Variants in DYNC2I1 observed in about 807,000 individuals in gnomAD.
DYNC2I1 encodes the protein dynein 2 intermediate chain 1.
In DYNC2I1, 89 loss-of-function variants were observed where a neutral mutation model predicts 133.4. The observed-to-expected ratio is 0.67, with a 90% CI of 0.56 to 0.80. The LOEUF (loss-of-function observed/expected upper bound fraction) is 0.80, where lower values mean the gene tolerates loss of function less well. Ranked by LOEUF, DYNC2I1 falls within the 30% of genes least tolerant of loss-of-function variation. The pLI is 0.00. For missense variants in DYNC2I1, 1,291 were observed against 1,314.5 expected (o/e 0.98, Z 0.28); for synonymous variants, 504 against 484.3 (o/e 1.04, Z -0.54).
the DYNC2I1 span, among the ~76,000 whole-genome samples, chr7:158,841,189 A>G: frequency 1.2e-4 from 9 of 73,104 alleles, no homozygotes; most frequent in African/African-American, 4.7e-4. Flanking sequence ...ATATATATAT[A>G]TATATATATA....
intron 23 of DYNC2I1, among the ~76,000 whole-genome samples, chr7:158,937,131 G>C (rs932265631): frequency 1.3e-5 from 2 of 152,160 alleles, no homozygotes; most frequent in African/African-American, 4.8e-5. Flanking sequence ...GAAACTCTGT[G>C]ATCTCCAAGA....
At chr7:158,896,878 T>C (rs990785832) in intron 8 of DYNC2I1, among the ~76,000 whole-genome samples, 6 of 152,102 alleles carry the variant, frequency 3.9e-5, no homozygotes, top group Admixed American at 1.3e-4. Context: ...TTTTTTTTTT[T>C]TTCTTGTAAT....
rs572968837 is a variant in DYNC2I1, at chr7:158,932,926, C to G, written c.2547-1203C>G. Among the ~76,000 whole-genome samples the G allele has an allele frequency of 6.6e-5, 10 of 152,296 alleles. No individual in the cohort carries two copies. In the South Asian group the frequency reaches 2.1e-3, roughly 32 times the overall value. On this transcript the variant is annotated intron_variant, in intron 21 of 24. Coordinates refer to ENST00000407559, the MANE Select transcript of DYNC2I1 (RefSeq NM_018051.5). Reference sequence around the variant, plus strand: ...CTGGTTGGTGACTGGGCACCACTTGCCAGGCGAGGATAGGAGCAGGGAGGG... The same window carrying G: ...CTGGTTGGTGACTGGGCACCACTTGGCAGGCGAGGATAGGAGCAGGGAGGG...
At chr7:158,890,915 T>C (rs545158777) in intron 7 of DYNC2I1, among the ~76,000 whole-genome samples, 14 of 152,328 alleles carry the variant, frequency 9.2e-5, no homozygotes, top group African/African-American at 2.6e-4. Flanking sequence ...CTAGTGTCAT[T>C]GACAAAGGTG....
chr7:158,928,084 G>A (rs962388478), intron 20 of DYNC2I1, among the ~76,000 whole-genome samples: 1 of 152,200 alleles, frequency 6.6e-6, no homozygotes, highest in East Asian at 1.9e-4. Flanking sequence ...CCTTAGACTG[G>A]ATCCCAGGGT....
chr7:158,921,517 A>G (rs1214345251), intron 15 of DYNC2I1, among the ~76,000 whole-genome samples: 2 of 152,092 alleles, frequency 1.3e-5, no homozygotes, highest in Non-Finnish European at 2.9e-5. Flanking sequence ...AAAAACAACT[A>G]TTAAATACGG....
chr7:158,857,080 G>A (rs1841335095), intron 1 of DYNC2I1, among the ~76,000 whole-genome samples: 1 of 152,152 alleles, frequency 6.6e-6, no homozygotes, highest in African/African-American at 2.4e-5. Flanking sequence ...GGTGGCTGAG[G>A]AGACATATTT....
intron 11 of DYNC2I1, among the ~76,000 whole-genome samples, chr7:158,910,457 T>G (rs1488137168): frequency 2.0e-5 from 3 of 149,154 alleles, no homozygotes; most frequent in Admixed American, 6.7e-5. Context: ...CAATTGGCTA[T>G]GTCAGGCCTG....
At chr7:158,854,030 G>A (rs1841113757), upstream of DYNC2I1, among the ~76,000 whole-genome samples, 1 of 149,184 alleles carries the variant, frequency 6.7e-6, no homozygotes, top group Non-Finnish European at 1.5e-5. Flanking sequence ...TGGGTGGGGG[G>A]GCGTTGAGAA....
chr7:158,890,518 A>C (rs1845098759), intron 7 of DYNC2I1, among the ~76,000 whole-genome samples: 1 of 152,086 alleles, frequency 6.6e-6, no homozygotes, highest in African/African-American at 2.4e-5. Flanking sequence ...ACACATGGGA[A>C]GTTCTTTTTC....
At chr7:158,891,223 C>G in intron 7 of DYNC2I1, 42 bp from the exon 8 acceptor site, 1 of 1,611,934 alleles carries the variant, frequency 6.2e-7, no homozygotes, top group Non-Finnish European at 8.5e-7. Flanking sequence ...CCCTGGAGTC[C>G]CACCTGTGTC....
At chr7:158,926,149 C>T in intron 17 of DYNC2I1, 38 bp from the exon 18 acceptor site, 2 of 1,499,630 alleles carry the variant, frequency 1.3e-6, no homozygotes. Flanking sequence ...CTTCAACTTA[C>T]TACTTACACG....
At chr7:158,907,785 T>A (rs1006495555) in intron 11 of DYNC2I1, among the ~76,000 whole-genome samples, 18 of 151,968 alleles carry the variant, frequency 1.2e-4, no homozygotes, top group East Asian at 7.7e-4. Context: ...ATTTTTATTT[T>A]TTTTTTATGT....
At chr7:158,914,381 T>G (rs571834446) in intron 14 of DYNC2I1, 60 bp downstream of exon 14, 55 of 1,340,844 alleles carry the variant, frequency 4.1e-5, no homozygotes, top group Non-Finnish European at 1.0e-6. Flanking sequence ...TCATTCTACA[T>G]AGAAACATAG....
At chr7:158,852,615 T>C (rs1292193999), upstream of DYNC2I1, among the ~76,000 whole-genome samples, 1 of 152,016 alleles carries the variant, frequency 6.6e-6, no homozygotes, top group Non-Finnish European at 1.5e-5. Context: ...GGGAGGTGCC[T>C]GCAGTCCCAG....
chr7:158,926,128 G>A (rs755630514), intron 17 of DYNC2I1, 59 bp from the exon 18 acceptor site: 25 of 1,334,150 alleles, frequency 1.9e-5, no homozygotes, highest in Non-Finnish European at 2.3e-5. Flanking sequence ...TGTGTGATGC[G>A]AACTGCATTT....
intron 14 of DYNC2I1, among the ~76,000 whole-genome samples, chr7:158,915,166 C>A (rs1036310486): frequency 6.6e-6 from 1 of 150,856 alleles, no homozygotes; most frequent in Non-Finnish European, 1.5e-5. Flanking sequence ...AATGTCAACA[C>A]GCTGGTTGAC....
At chr7:158,868,273 C>T (rs903132465) in intron 1 of DYNC2I1, among the ~76,000 whole-genome samples, 1 of 152,210 alleles carries the variant, frequency 6.6e-6, no homozygotes, top group African/African-American at 2.4e-5. Flanking sequence ...GGTGAGCTGG[C>T]TGTCCGGATG....
chr7:158,915,047 C>CG (rs1334958620), intron 14 of DYNC2I1, among the ~76,000 whole-genome samples: 2 of 150,784 alleles, frequency 1.3e-5, no homozygotes, highest in African/African-American at 4.8e-5. Flanking sequence ...TGTGAAACCT[C>CG]AACACGCTAG....
Sources: allele counts gnomAD v4.1 joint callset (sites outside exome capture counted in the v4.1 genomes callset), GRCh38; gene constraint gnomAD v4.1.1; transcripts MANE v1.5; gene names NCBI Gene and HGNC (gene_info 2026-07-23, HGNC 2026-07-21).